WDR7: variants seen among roughly 807,000 people sequenced by gnomAD.
The protein encoded by WDR7 is WD repeat-containing protein 7.
Under a neutral mutation model 169.4 loss-of-function variants are expected in WDR7, and 46 were observed. That is an observed-to-expected ratio of 0.27 (90% CI 0.21 to 0.35). WDR7 has a LOEUF of 0.35. WDR7 is among the 10% of genes least tolerant of loss of function. The probability of loss-of-function intolerance (pLI) is 1.00; values close to 1 mark genes in which losing one functional copy is unlikely to be tolerated. For synonymous variants in WDR7, 612 were observed against 666.8 expected, an observed-to-expected ratio of 0.92 and a Z score of 1.27; for missense variants, 1,534 against 1,859.3, an observed-to-expected ratio of 0.83 and a Z score of 3.22.
intron 14 of WDR7, among the ~76,000 whole-genome samples, chr18:56,739,581 C>T (rs1341513015): frequency 6.6e-6 from 1 of 151,874 alleles, no homozygotes; most frequent in Non-Finnish European, 1.5e-5. Context: ...CATTTTCTTC[C>T]TCGAAAGAAC....
intron 26 of WDR7, among the ~76,000 whole-genome samples, chr18:56,988,609 G>GTGTGTA (rs2047761402): frequency 6.6e-6 from 1 of 151,312 alleles, no homozygotes; most frequent in South Asian, 2.1e-4. Context: ...GTGTGTGTGT[G>GTGTGTA]TGTGTGTGTG....
chr18:56,816,222 G>T (rs2044968012), intron 20 of WDR7, 78 bp downstream of exon 20: 4 of 1,289,100 alleles, frequency 3.1e-6, no homozygotes, highest in Non-Finnish European at 4.3e-6. Context: ...TTTGTGGTGG[G>T]ATTAAGTATT....
intron 26 of WDR7, among the ~76,000 whole-genome samples, chr18:57,011,831 T>G (rs2048141118): frequency 6.6e-6 from 1 of 152,238 alleles, no homozygotes; most frequent in Non-Finnish European, 1.5e-5. Context: ...AGGATTGCAT[T>G]TACCATGTAC....
chr18:56,880,397 A>G (rs1167902389), intron 21 of WDR7, among the ~76,000 whole-genome samples: 1 of 152,158 alleles, frequency 6.6e-6, no homozygotes, highest in Non-Finnish European at 1.5e-5. Context: ...CACATTTCTG[A>G]CCTTTGTATT....
At chr18:56,949,549 T>A (rs2047152001) in intron 25 of WDR7, among the ~76,000 whole-genome samples, 1 of 152,256 alleles carries the variant, frequency 6.6e-6, no homozygotes, top group South Asian at 2.1e-4. Flanking sequence ...TTTAAAAATC[T>A]GCTTGCGCAG....
chr18:56,939,155 G>T (rs1350709360), intron 24 of WDR7, among the ~76,000 whole-genome samples, 156 bp from the exon 25 acceptor site: 2 of 152,070 alleles, frequency 1.3e-5, no homozygotes, highest in African/African-American at 4.8e-5. Flanking sequence ...ATAGACTGTA[G>T]TATACACATG....
intron 20 of WDR7, among the ~76,000 whole-genome samples, chr18:56,877,056 A>G (rs1313651940): frequency 6.6e-6 from 1 of 152,052 alleles, no homozygotes; most frequent in Admixed American, 6.6e-5. Flanking sequence ...AAATAATCTG[A>G]TAAAACATAT....
Position 56,691,337 on chromosome 18 carries a change from G to A in WDR7, c.839G>A (p.Ser280Asn). 5 of 1,594,218 alleles carry A rather than the reference G, an allele frequency of 3.1e-6. No individual in the cohort carries two copies. Among genetic ancestry groups the A allele is most frequent in the Non-Finnish European group, 4.3e-6 (5 of 1,175,710 alleles). ...ATCATTTGGACAGAAAATGGGCAAA[G>A]TTATATTTACAAACTACCTGCCAGG... ...KVIIWTENGQ[S>N]YIYKLPASCL... The change falls in exon 8 of 28, where the codon AGT (serine) becomes AAT (asparagine). Residue 280 changes from serine (S) to asparagine (N), a missense_variant. Transcript: ENST00000254442.
At chr18:56,749,188 TATTTA>T (rs1189385392) in intron 14 of WDR7, among the ~76,000 whole-genome samples, 1 of 152,048 alleles carries the variant, frequency 6.6e-6, no homozygotes, top group African/African-American at 2.4e-5. Flanking sequence ...AATTATAAAA[TATTTA>T]ATTTATTTTT....
intron 20 of WDR7, among the ~76,000 whole-genome samples, chr18:56,856,624 A>G (rs1356802730): frequency 6.6e-6 from 1 of 151,890 alleles, no homozygotes; most frequent in African/African-American, 2.4e-5. Context: ...TTTATTTAAG[A>G]AAAAGATTTG....
intron 20 of WDR7, among the ~76,000 whole-genome samples, chr18:56,869,868 A>T (rs1056478081): frequency 1.3e-5 from 2 of 152,216 alleles, no homozygotes; most frequent in Non-Finnish European, 2.9e-5. Context: ...TTATGCCAAC[A>T]AATGAAAATA....
intron 22 of WDR7, among the ~76,000 whole-genome samples, chr18:56,929,010 CATG>C (rs1174543702): frequency 6.6e-6 from 1 of 152,104 alleles, no homozygotes; most frequent in Non-Finnish European, 1.5e-5. Flanking sequence ...TTCAGCTGGA[CATG>C]ATGGTTCACA....
chr18:56,974,687 A>G (rs1275403001), intron 26 of WDR7, among the ~76,000 whole-genome samples: 1 of 152,200 alleles, frequency 6.6e-6, no homozygotes, highest in African/African-American at 2.4e-5. Context: ...ACGAGTCAGT[A>G]AAGTGAAAGT....
Position 57,027,328 on chromosome 18 carries a change from G to T in WDR7, c.*121G>T. ...CTGCCCACCCCAGTGCCATCCAGTG[G>T]CACGGCCGGGTCTTGTCACTTGTGC... On this transcript the variant is annotated 3_prime_UTR_variant, in exon 28 of 28. Transcript: ENST00000254442. 7.9e-7 allele frequency: 1 copy of T among 1,258,610 alleles called. No individual in the cohort carries two copies. Among genetic ancestry groups the T allele is most frequent in the South Asian group, 1.5e-5 (1 of 67,568 alleles). The allele number at this position is 1,258,610 out of a possible 1,614,324, so 78.0% of individuals were successfully genotyped here.
At chr18:56,854,204 T>C (rs1300044189) in intron 20 of WDR7, among the ~76,000 whole-genome samples, 1 of 152,234 alleles carries the variant, frequency 6.6e-6, no homozygotes, top group Admixed American at 6.5e-5. Flanking sequence ...GTCCTCACAC[T>C]GTCTGCCGGG....
intron 26 of WDR7, among the ~76,000 whole-genome samples, chr18:56,987,708 G>GA (rs1285774056): frequency 2.6e-5 from 4 of 151,974 alleles, no homozygotes; most frequent in African/African-American, 9.7e-5. Flanking sequence ...GTGTAATAGA[G>GA]AAAAAAATAG....
In WDR7 at chr18:56,731,458, C is replaced by T; in HGVS notation, c.1850C>T (p.Ala617Val). The T allele has an allele frequency of 6.2e-7, 1 of 1,614,164 alleles. No individual in the cohort carries two copies. The highest frequency in any genetic ancestry group is 8.5e-7 in the Non-Finnish European group (1 of 1,180,026). Residue 617 changes from alanine (A) to valine (V), a missense_variant, in exon 14 of 28, where the codon GCT becomes GTT. By Grantham distance (64) the Ala-to-Val change is moderately conservative. Coordinates refer to ENST00000254442, the MANE Select transcript of WDR7 (RefSeq NM_015285.3). ...LNACDEAVPA[A>V]VDSLSHPAVN... Reference sequence around the variant, plus strand: ...GCTTGTGATGAAGCTGTTCCTGCTGCTGTTGATTCACTTAGTCATCCAGCA... The same window carrying T: ...GCTTGTGATGAAGCTGTTCCTGCTGTTGTTGATTCACTTAGTCATCCAGCA...
intron 26 of WDR7, among the ~76,000 whole-genome samples, chr18:56,997,622 G>T (rs1005474238): frequency 6.6e-6 from 1 of 152,072 alleles, no homozygotes; most frequent in Non-Finnish European, 1.5e-5. Flanking sequence ...ATAACCTACA[G>T]CTTTTTTTAA....
At chr18:56,967,117 G>T (rs942336241) in intron 26 of WDR7, among the ~76,000 whole-genome samples, 1 of 152,194 alleles carries the variant, frequency 6.6e-6, no homozygotes, top group Non-Finnish European at 1.5e-5. Context: ...TTTTATAGAT[G>T]AAACTGGAGA....
Sources: allele counts gnomAD v4.1 joint callset (sites outside exome capture counted in the v4.1 genomes callset), GRCh38; gene constraint gnomAD v4.1.1; transcripts MANE v1.5; gene names NCBI Gene and HGNC (gene_info 2026-07-23, HGNC 2026-07-21).